SPTBN5: variants seen among roughly 807,000 people sequenced by gnomAD.
The protein encoded by SPTBN5 is spectrin beta, non-erythrocytic 5.
SPTBN5 carries 513 observed loss-of-function variants against 477.6 expected under a neutral mutation model. The observed-to-expected ratio is 1.07, with a 90% CI of 1.00 to 1.16. The LOEUF (loss-of-function observed/expected upper bound fraction) is 1.16, where lower values mean the gene tolerates loss of function less well. SPTBN5 is among the 50% of genes most tolerant of loss of function. SPTBN5 has a pLI of 0.00. For synonymous variants in SPTBN5, 2,169 were observed against 2,011.7 expected (o/e 1.08, Z -2.09); for missense variants, 5,062 against 4,731.8 (o/e 1.07, Z -2.05).
chr15:41,873,711 G>T, intron 25 of SPTBN5, 103 bp from the exon 26 acceptor site: 1 of 1,449,746 alleles, frequency 6.9e-7, no homozygotes, highest in Non-Finnish European at 9.4e-7. Context: ...GGGCTTCTGT[G>T]CCCATAGGGG....
In SPTBN5 at chr15:41,887,981, G is replaced by T; in HGVS notation, c.606C>A (p.Phe202Leu). 6.2e-7 allele frequency: 1 copy of T among 1,606,894 alleles called. No individual in the cohort carries two copies. The highest frequency in any genetic ancestry group is 1.3e-5 in the African/African-American group (1 of 74,996). ...CCAGCCCATCGCTCCAGCTTCGGGA[G>T]AAATCTGTAATGTTCACGTTGGTGT... ...ASYTNVNITD[F>L]SRSWSDGLGF... The change falls in exon 5 of 68, where the codon TTC becomes TTA. Residue 202 changes from phenylalanine to leucine, a missense_variant. By Grantham distance (22) the Phe-to-Leu change is conservative. Coordinates refer to ENST00000320955, the MANE Select transcript of SPTBN5 (RefSeq NM_016642.4).
chr15:41,861,317 G>C (rs1160597276), intron 46 of SPTBN5, 102 bp downstream of exon 46: 1 of 1,044,198 alleles, frequency 9.6e-7, no homozygotes, highest in Non-Finnish European at 1.5e-6. Context: ...GCCCCGAAGG[G>C]GAGGATCCCT....
chr15:41,852,399 C>G lies in SPTBN5; in HGVS notation c.10450-83G>C, dbSNP rs1482600515. Reference sequence around the variant, plus strand: ...CAGGTTCCCGTCTACCTCCCCTCCCCCAGCCCTCCCGGTCAGAGGGGGCCT... The same window carrying G: ...CAGGTTCCCGTCTACCTCCCCTCCCGCAGCCCTCCCGGTCAGAGGGGGCCT... On this transcript the variant is annotated intron_variant, in intron 61 of 67. Transcript: ENST00000320955. 8 of 1,480,116 alleles carry G rather than the reference C, an allele frequency of 5.4e-6. No individual in the cohort carries two copies. The East Asian group carries it at 2.0e-4, about 36-fold the overall frequency. The allele number at this position is 1,480,116 out of a possible 1,614,324, so 91.7% of individuals were successfully genotyped here. A position where few individuals can be genotyped will look rare whatever the true frequency, so the allele number is the denominator to read the frequency against.
At position 41,883,371 on chromosome 15, in the gene SPTBN5, A is replaced by G; in HGVS notation, c.1636T>C (p.Ser546Pro). 1 of 1,613,556 alleles carries G rather than the reference A, an allele frequency of 6.2e-7. No homozygotes were observed. Among genetic ancestry groups the G allele is most frequent in the Non-Finnish European group, 8.5e-7 (1 of 1,179,832 alleles). Residue 546 changes from serine to proline, a missense_variant, in exon 8 of 68, where the codon TCC (serine) becomes CCC (proline). By Grantham distance (74) the Ser-to-Pro change is moderately conservative. Coordinates refer to ENST00000320955, the MANE Select transcript of SPTBN5 (RefSeq NM_016642.4). ...ACCTGCAGCTCCTCCAGCTGGTGGG[A>G]GGCAGCCTCCACCTCCTGCAGCAGG... ...LSLLQEVEAA[S>P]HQLEELQEPA... is the part of the protein sequence containing the mutation.
At position 41,870,270 on chromosome 15, in the gene SPTBN5, C is replaced by T; in HGVS notation, c.5646G>A (p.Glu1882=). The T allele has an allele frequency of 6.4e-7, 1 of 1,552,278 alleles. No individual in the cohort carries two copies. The change falls in exon 31 of 68, where the codon GAG becomes GAA. Residue 1882 remains glutamate (E), a synonymous_variant. Coordinates refer to ENST00000320955, the MANE Select transcript of SPTBN5 (RefSeq NM_016642.4). The stretch of plus-strand genomic sequence containing the variant: ...GCCGCTCGGTGCCCACGAGTTCTCG[C>T]TCCAGCCCCTGGTGGCTTCTCAGCT... ...EAQLRSHQGL[E]RELVGTERQL...
intron 9 of SPTBN5, 105 bp from the exon 10 acceptor site, chr15:41,882,843 C>G: frequency 7.0e-7 from 1 of 1,434,586 alleles, no homozygotes. Context: ...TTTTTCTTTT[C>G]CCTGGATGAC....
At chr15:41,855,141 C>A in intron 55 of SPTBN5, 83 bp downstream of exon 55, 1 of 1,494,652 alleles carries the variant, frequency 6.7e-7, no homozygotes, top group Non-Finnish European at 9.1e-7. Flanking sequence ...TTTCTGCTGA[C>A]TCCCCAGCAA....
At position 41,852,578 on chromosome 15, in the gene SPTBN5, G is replaced by A; in HGVS notation, c.10449+56C>T. The A allele has an allele frequency of 1.9e-6, 3 of 1,557,750 alleles. No homozygotes were observed. In the South Asian group the frequency reaches 3.3e-5, roughly 17 times the overall value. On this transcript the variant is annotated intron_variant, in intron 61 of 67. Coordinates refer to ENST00000320955, the MANE Select transcript of SPTBN5 (RefSeq NM_016642.4). Reference sequence around the variant, plus strand: ...TGCCCTGGGAGACACTGACTTGCAGGCTGAGAGGGACTGTTCCCCCACCAG... The same window carrying A: ...TGCCCTGGGAGACACTGACTTGCAGACTGAGAGGGACTGTTCCCCCACCAG...
At chr15:41,848,725 C>T (rs1011089838) in intron 67 of SPTBN5, 97 bp from the exon 68 acceptor site, 8 of 1,412,000 alleles carry the variant, frequency 5.7e-6, no homozygotes, top group South Asian at 1.1e-5. Context: ...CCTGGACCAG[C>T]CAGCCTCCTA....
intron 52 of SPTBN5, 34 bp from the exon 53 acceptor site, chr15:41,856,632 G>A (rs112606826): frequency 0.028 from 43,526 of 1,528,890 alleles, 733 homozygotes; most frequent in South Asian, 0.039. Flanking sequence ...TGCGGATGTT[G>A]CTGACCCTTG....
At position 41,852,901 on chromosome 15, in the gene SPTBN5, T is replaced by C; in HGVS notation, c.10270A>G (p.Lys3424Glu). 2 of 1,607,490 alleles carry C rather than the reference T, an allele frequency of 1.2e-6. No individual in the cohort carries two copies. The highest frequency in any genetic ancestry group is 1.3e-5 in the African/African-American group (1 of 74,970). ...GCCTGCTCCAGCCTCTGCCGAAGCT[T>C]CTGCAGGCCCCAGCTCTCGGCACAG... is the stretch of plus-strand genomic sequence containing the variant. ...QRCAESWGLQKLRQRLEQAEA... is the reference protein window; with the variant it reads ...QRCAESWGLQELRQRLEQAEA... Residue 3424 changes from lysine (K) to glutamate (E), a missense_variant, in exon 60 of 68, where the codon AAG (lysine) becomes GAG (glutamate). Transcript: ENST00000320955.
chr15:41,880,051 C>T (rs1200798864), intron 14 of SPTBN5, 109 bp downstream of exon 14: 21 of 1,438,838 alleles, frequency 1.5e-5, no homozygotes, highest in Non-Finnish European at 1.9e-5. Flanking sequence ...CTCTCTGCTC[C>T]CCTCCCCCAG....
At chr15:41,862,107 G>A in intron 44 of SPTBN5, 23 bp downstream of exon 44, 1 of 1,533,958 alleles carries the variant, frequency 6.5e-7, no homozygotes, top group Non-Finnish European at 8.8e-7. Flanking sequence ...CCTGGGAAAG[G>A]CTTGGGCCAG....
chr15:41,863,554 C>T (rs1168882666), intron 41 of SPTBN5, 150 bp downstream of exon 41: 2 of 628,768 alleles, frequency 3.2e-6, no homozygotes, highest in Non-Finnish European at 5.6e-6. Flanking sequence ...TCAGATGTCC[C>T]TGGTGCAGAC....
At chr15:41,862,074 G>A in intron 44 of SPTBN5, 56 bp downstream of exon 44, 1 of 1,393,112 alleles carries the variant, frequency 7.2e-7, no homozygotes, top group Non-Finnish European at 9.6e-7. Flanking sequence ...GAGAGGAAGG[G>A]GAGGGCAGGG....
At chr15:41,892,231 C>G (rs1297784328) in intron 3 of SPTBN5, among the ~76,000 whole-genome samples, 1 of 152,184 alleles carries the variant, frequency 6.6e-6, no homozygotes, top group African/African-American at 2.4e-5. Context: ...TTCACAGCCT[C>G]CAGGGACAGC....
At position 41,886,228 on chromosome 15, in the gene SPTBN5, G is replaced by A; in HGVS notation, c.1027C>T (p.Gln343Ter). The A allele has an allele frequency of 6.2e-7, 1 of 1,613,112 alleles. No homozygotes were observed. The highest frequency in any genetic ancestry group is 8.5e-7 in the Non-Finnish European group (1 of 1,179,890). ...DFPDSLPAMR[Q>*]LLAAFTIFRT... ...AAGATGGTGAATGCTGCCAGTAGCT[G>A]CCGCATGGCGGGCAGCGAGTCTGGA... is the stretch of plus-strand genomic sequence containing the variant. The change falls in exon 7 of 68, where the codon CAG (glutamine) becomes TAG (stop). Residue 343 changes from glutamine to a stop codon, truncating the protein, a stop_gained. Coordinates refer to ENST00000320955, the MANE Select transcript of SPTBN5 (RefSeq NM_016642.4). LOFTEE classifies it high-confidence loss of function.
At chr15:41,877,481 C>G (rs1409890938) in intron 17 of SPTBN5, 125 bp from the exon 18 acceptor site, 4 of 1,372,980 alleles carry the variant, frequency 2.9e-6, no homozygotes, top group East Asian at 2.5e-5. Context: ...ATAGGCCCAG[C>G]AGAGTGCTTA....
chr15:41,876,652 A>C lies in SPTBN5; in HGVS notation c.3852-5T>G. 5 of 433,808 alleles carry C rather than the reference A, an allele frequency of 1.2e-5. No individual in the cohort carries two copies. Among genetic ancestry groups the C allele is most frequent in the Non-Finnish European group, 1.8e-5 (5 of 273,876 alleles). 26.9% of individuals were successfully genotyped at this position (433,808 alleles called of 1,614,324 possible). Reference sequence around the variant, plus strand: ...CTCTGCAGCTGCTCTCTGACCCTGGAGGGCGGGGGGGGGTTGGAGGAGGGC... The same window carrying C: ...CTCTGCAGCTGCTCTCTGACCCTGGCGGGCGGGGGGGGGTTGGAGGAGGGC... On this transcript the variant is annotated splice_polypyrimidine_tract_variant and splice_region_variant and intron_variant, in intron 19 of 67. Transcript: ENST00000320955.
Sources: gnomAD v4.1 joint callset for allele counts (sites outside exome capture counted in the v4.1 genomes callset) on GRCh38, gnomAD v4.1.1 for gene constraint, MANE v1.5 for transcripts, NCBI Gene and HGNC (gene_info 2026-07-23, HGNC 2026-07-21) for gene names.